The following FCHSD2 variants were observed in gnomAD, a reference collection of about 807,000 sequenced individuals.
The protein encoded by FCHSD2 is FCH and double SH3 domains 2, also known as F-BAR and double SH3 domains protein 2.
In FCHSD2, 38 loss-of-function variants were observed where a neutral mutation model predicts 108.1. That is an observed-to-expected ratio of 0.35 (90% CI 0.27 to 0.46). The LOEUF (loss-of-function observed/expected upper bound fraction) is 0.46. Among genes scored for constraint, FCHSD2 ranks in the 20% least tolerant of loss-of-function variants. The pLI, the probability that FCHSD2 is intolerant of heterozygous loss-of-function variation, is 1.00. For synonymous variants in FCHSD2, 279 were observed against 314.7 expected, an observed-to-expected ratio of 0.89 and a Z score of 1.20; for missense variants, 751 against 897.8, an observed-to-expected ratio of 0.84 and a Z score of 2.09.
intron 2 of FCHSD2, among the ~76,000 whole-genome samples, chr11:73,130,166 G>C (rs148277938): frequency 1.3e-5 from 2 of 152,084 alleles, no homozygotes; most frequent in Non-Finnish European, 2.9e-5. Flanking sequence ...GAGCCACCGC[G>C]CCTGGCCCAT....
At position 73,140,265 on chromosome 11, in the gene FCHSD2, A is replaced by G. The variant is rs1861215982; in HGVS notation, c.22-137T>C. ...GCCATAAATCCAATATTCGCCATCTAGTTTTATTTATTGAAGATACTTATT... is the reference window on the plus strand; with the variant it reads ...GCCATAAATCCAATATTCGCCATCTGGTTTTATTTATTGAAGATACTTATT... On this transcript the variant is annotated intron_variant, in intron 1 of 19. Transcript: ENST00000409418. 17 of 526,194 alleles carry G rather than the reference A, an allele frequency of 3.2e-5. No individual in the cohort carries two copies. The South Asian group carries it at 4.8e-4, about 15-fold the overall frequency. 32.6% of individuals were successfully genotyped at this position (526,194 alleles called of 1,614,324 possible).
intron 4 of FCHSD2, among the ~76,000 whole-genome samples, chr11:73,011,739 T>C (rs1233941026): frequency 3.3e-5 from 5 of 152,154 alleles, no homozygotes; most frequent in African/African-American, 4.8e-5. Flanking sequence ...AAGTCTACAG[T>C]GGGAATGTGG....
chr11:73,048,020 T>A (rs748027354), intron 3 of FCHSD2, among the ~76,000 whole-genome samples: 7 of 152,118 alleles, frequency 4.6e-5, no homozygotes, highest in Non-Finnish European at 7.3e-5. Flanking sequence ...ATTGTTTCTT[T>A]AAGTAGTACA....
intron 5 of FCHSD2, among the ~76,000 whole-genome samples, chr11:72,992,422 G>A (rs914787163): frequency 1.3e-5 from 2 of 152,078 alleles, no homozygotes; most frequent in African/African-American, 4.8e-5. Flanking sequence ...AAGTTCATAT[G>A]GAACCAAAAA....
intron 3 of FCHSD2, among the ~76,000 whole-genome samples, chr11:73,061,177 T>TG (rs551508544): frequency 2.0e-5 from 3 of 152,012 alleles, no homozygotes; most frequent in African/African-American, 7.2e-5. Flanking sequence ...CGAAGCAGGG[T>TG]GGGGGGTCAC....
intron 3 of FCHSD2, among the ~76,000 whole-genome samples, chr11:73,021,234 A>T (rs1477862747): frequency 3.0e-5 from 4 of 133,282 alleles, no homozygotes; most frequent in Non-Finnish European, 4.9e-5. Flanking sequence ...AACATAGAAT[A>T]AAAAAAAAAA....
At chr11:72,887,992 C>G (rs573745789) in intron 11 of FCHSD2, among the ~76,000 whole-genome samples, 2 of 152,256 alleles carry the variant, frequency 1.3e-5, no homozygotes, top group Admixed American at 6.5e-5. Context: ...TCAAAACAGG[C>G]AAGAGATTAT....
chr11:72,839,466 T>C (rs1001672875), intron 19 of FCHSD2, among the ~76,000 whole-genome samples: 1 of 152,174 alleles, frequency 6.6e-6, no homozygotes, highest in Non-Finnish European at 1.5e-5. Context: ...TAGGAGACTT[T>C]TGTAATCCTC....
rs76217534 is a variant in FCHSD2, at chr11:73,115,158, T to A, written c.119+24873A>T. Among the ~76,000 whole-genome samples, 826 of 152,170 alleles carry A rather than the reference T, an allele frequency of 5.4e-3. 4 individuals are homozygous for A. Among genetic ancestry groups the A allele is most frequent in the South Asian group, 0.014 (68 of 4,828 alleles). On this transcript the variant is annotated intron_variant, in intron 2 of 19. Coordinates refer to ENST00000409418, the MANE Select transcript of FCHSD2 (RefSeq NM_014824.3). ...CTGGCCTAAATGCTCCCTCCATGAG[T>A]GGTCATTGGCTAAGTTTAGCCCAGT...
In FCHSD2 at chr11:72,954,970, A is replaced by G. The variant is rs116845993; in HGVS notation, c.705+29118T>C. Among the ~76,000 whole-genome samples, 889 of 152,214 alleles carry G rather than the reference A, an allele frequency of 5.8e-3. 1 individual carries two copies. The highest frequency in any genetic ancestry group is 0.011 in the Admixed American group (167 of 15,280). On this transcript the variant is annotated intron_variant, in intron 8 of 19. Coordinates refer to ENST00000409418, the MANE Select transcript of FCHSD2 (RefSeq NM_014824.3). ...AAACTGAAGTGCTTTTTCTACCCTCACTCACCACTCAACACAATACTTCTG... is the reference window on the plus strand; with the variant it reads ...AAACTGAAGTGCTTTTTCTACCCTCGCTCACCACTCAACACAATACTTCTG...
chr11:72,968,863 A>G (rs1856960177), intron 8 of FCHSD2, among the ~76,000 whole-genome samples: 1 of 152,210 alleles, frequency 6.6e-6, no homozygotes, highest in South Asian at 2.1e-4. Flanking sequence ...TGGTTTTATT[A>G]TAGTAACATT....
chr11:72,986,632 C>A (rs1427866397), intron 6 of FCHSD2, among the ~76,000 whole-genome samples: 2 of 152,186 alleles, frequency 1.3e-5, no homozygotes, highest in Non-Finnish European at 2.9e-5. Flanking sequence ...ATTCCCAGTT[C>A]TCCTTTTTTT....
In FCHSD2 at chr11:73,069,352, A is replaced by G. The variant is rs184043683; in HGVS notation, c.165+14343T>C. 7.7e-4 allele frequency among the ~76,000 whole-genome samples: 116 copies of G among 151,272 alleles called. 2 individuals are homozygous for G. In the East Asian group the frequency reaches 0.02, roughly 26 times the overall value. ...AAAAAAGACTACAAAATAACTATCC[A>G]AAGAGAAATTTAAAAATCATTTCTA... On this transcript the variant is annotated intron_variant, in intron 3 of 19. Transcript: ENST00000409418.
chr11:73,060,969 T>C (rs542990058), intron 3 of FCHSD2, among the ~76,000 whole-genome samples: 1 of 152,290 alleles, frequency 6.6e-6, no homozygotes, highest in East Asian at 1.9e-4. Context: ...CAAGAACTTA[T>C]ATAGAACTGT....
chr11:72,899,783 G>A (rs1855490994), intron 10 of FCHSD2, among the ~76,000 whole-genome samples: 1 of 147,924 alleles, frequency 6.8e-6, no homozygotes, highest in Non-Finnish European at 1.5e-5. Flanking sequence ...TTGAAGGTCT[G>A]GAATGATTTT....
chr11:72,847,503 G>A (rs773266135), intron 14 of FCHSD2, among the ~76,000 whole-genome samples: 13 of 152,250 alleles, frequency 8.5e-5, no homozygotes, highest in African/African-American at 1.4e-4. Context: ...GACCTTTAGC[G>A]GGGAGTCAAA....
At chr11:72,944,507 T>A (rs1308010651) in intron 8 of FCHSD2, among the ~76,000 whole-genome samples, 4 of 152,116 alleles carry the variant, frequency 2.6e-5, no homozygotes, top group Admixed American at 2.0e-4. Context: ...GGATGCCCTC[T>A]CTCACCACTC....
At position 72,855,897 on chromosome 11, in the gene FCHSD2, T is replaced by G. The variant is rs547302453; in HGVS notation, c.1309-6008A>C. On this transcript the variant is annotated intron_variant, in intron 13 of 19. Transcript: ENST00000409418. The stretch of plus-strand genomic sequence containing the variant: ...GCTTTTTATATACATCTATACTCTT[T>G]GAACTATTAGAATATGCACGTTTTA... Among the ~76,000 whole-genome samples the G allele has an allele frequency of 7.2e-5, 11 of 152,328 alleles. No individual in the cohort carries two copies. In the East Asian group the frequency reaches 2.1e-3, roughly 29 times the overall value.
At chr11:73,018,428 CTATT>C (rs1166339169) in intron 3 of FCHSD2, among the ~76,000 whole-genome samples, 2 of 152,142 alleles carry the variant, frequency 1.3e-5, no homozygotes, top group African/African-American at 4.8e-5. Context: ...TCACATAACT[CTATT>C]TATGCATAAT....
Sources: gnomAD v4.1 joint callset for allele counts (sites outside exome capture counted in the v4.1 genomes callset) on GRCh38, gnomAD v4.1.1 for gene constraint, MANE v1.5 for transcripts, NCBI Gene and HGNC (gene_info 2026-07-23, HGNC 2026-07-21) for gene names.